Variants in KALRN observed in about 807,000 individuals in gnomAD.
The protein encoded by KALRN is kalirin.
Under a neutral mutation model 353.7 loss-of-function variants are expected in KALRN, and 70 were observed. That is an observed-to-expected ratio of 0.20 (90% CI 0.16 to 0.24). The LOEUF is 0.24. KALRN is among the 10% of genes least tolerant of loss of function. The pLI is 1.00. For missense variants in KALRN, 2,791 were observed against 3,756.7 expected, an observed-to-expected ratio of 0.74 and a Z score of 6.72; for synonymous variants, 1,391 against 1,434.8, an observed-to-expected ratio of 0.97 and a Z score of 0.69.
chr3:124,155,283 A>AT (rs1206297249), intron 1 of KALRN, among the ~76,000 whole-genome samples: 11 of 151,926 alleles, frequency 7.2e-5, no homozygotes, highest in South Asian at 2.1e-4. Context: ...GAAAAAAGAG[A>AT]TTTTTTTTCT....
intron 47 of KALRN, among the ~76,000 whole-genome samples, chr3:124,669,337 CTG>C (rs2086083686): frequency 6.6e-6 from 1 of 152,156 alleles, no homozygotes; most frequent in African/African-American, 2.4e-5. Flanking sequence ...ACATAAGACA[CTG>C]TATCGATCAG....
intron 6 of KALRN, among the ~76,000 whole-genome samples, chr3:124,319,735 G>A (rs1272665028): frequency 1.3e-5 from 2 of 152,030 alleles, no homozygotes; most frequent in African/African-American, 4.8e-5. Context: ...GCTCACACCT[G>A]TAATCCCAGC....
intron 33 of KALRN, among the ~76,000 whole-genome samples, chr3:124,528,950 TC>T (rs746272259): frequency 5.1e-4 from 77 of 152,350 alleles, no homozygotes; most frequent in African/African-American, 1.6e-3. Context: ...AGGTCAACCA[TC>T]TTTTTGTCCT....
chr3:124,070,370 G>A (rs1456691127), intron 1 of KALRN, among the ~76,000 whole-genome samples: 10 of 152,168 alleles, frequency 6.6e-5, no homozygotes, highest in Admixed American at 1.3e-4. Context: ...CTGGCATTCT[G>A]TCTTTACCGA....
At chr3:124,266,621 T>C (rs1440842966) in intron 4 of KALRN, among the ~76,000 whole-genome samples, 3 of 152,216 alleles carry the variant, frequency 2.0e-5, no homozygotes, top group Non-Finnish European at 4.4e-5. Context: ...AGAGCTGCTT[T>C]TAATCTTTCA....
At chr3:124,192,102 A>G (rs1009974115) in intron 1 of KALRN, among the ~76,000 whole-genome samples, 11 of 152,216 alleles carry the variant, frequency 7.2e-5, no homozygotes, top group Admixed American at 2.6e-4. Flanking sequence ...CCTAAAATTC[A>G]TATGTTGAAG....
At chr3:124,489,771 G>A (rs2062943334) in intron 29 of KALRN, among the ~76,000 whole-genome samples, 1 of 152,182 alleles carries the variant, frequency 6.6e-6, no homozygotes, top group Non-Finnish European at 1.5e-5. Flanking sequence ...GCACATTCAT[G>A]GACTCACCCC....
chr3:124,210,761 A>G (rs1395926620), intron 1 of KALRN, among the ~76,000 whole-genome samples: 1 of 152,200 alleles, frequency 6.6e-6, no homozygotes, highest in Non-Finnish European at 1.5e-5. Context: ...CCTGGGCCCC[A>G]GTTGGATGGT....
chr3:124,244,072 A>C (rs1004040958), intron 3 of KALRN, among the ~76,000 whole-genome samples: 1 of 152,236 alleles, frequency 6.6e-6, no homozygotes, highest in Non-Finnish European at 1.5e-5. Context: ...ATATGTGCCT[A>C]ACAGTGTGAC....
chr3:124,328,587 T>A (rs1445397113), intron 7 of KALRN, among the ~76,000 whole-genome samples: 1 of 152,220 alleles, frequency 6.6e-6, no homozygotes, highest in Non-Finnish European at 1.5e-5. Context: ...TTATATGATC[T>A]GATACTCGAT....
chr3:124,351,226 G>A (rs1053404616), intron 10 of KALRN, among the ~76,000 whole-genome samples: 8 of 152,158 alleles, frequency 5.3e-5, no homozygotes, highest in East Asian at 1.9e-4. Context: ...AAAAGTTCTC[G>A]AGTAAGAAGA....
chr3:124,384,713 C>G, intron 10 of KALRN, 132 bp from the exon 11 acceptor site: 1 of 836,940 alleles, frequency 1.2e-6, no homozygotes, highest in Non-Finnish European at 1.8e-6. Flanking sequence ...CCGCGCACCG[C>G]GCCTCAGTGC....
chr3:124,512,115 T>C (rs1317380832), intron 33 of KALRN, among the ~76,000 whole-genome samples: 2 of 152,242 alleles, frequency 1.3e-5, no homozygotes, highest in African/African-American at 4.8e-5. Flanking sequence ...AATTTGTGTG[T>C]GTGTTCCTCA....
intron 1 of KALRN, among the ~76,000 whole-genome samples, chr3:124,104,608 T>G (rs528341123): frequency 3.3e-5 from 5 of 152,296 alleles, no homozygotes; most frequent in South Asian, 2.1e-4. Context: ...GTTGTAGCAT[T>G]CAATTAGAAA....
chr3:124,390,371 T>C (rs2089168919), intron 11 of KALRN, among the ~76,000 whole-genome samples: 1 of 152,240 alleles, frequency 6.6e-6, no homozygotes, highest in African/African-American at 2.4e-5. Context: ...TACCCACTTA[T>C]ATTTGTTTCA....
intron 13 of KALRN, among the ~76,000 whole-genome samples, chr3:124,401,154 A>C (rs959770348): frequency 2.1e-4 from 32 of 152,334 alleles, no homozygotes; most frequent in African/African-American, 7.0e-4. Context: ...ATGTGGGTTT[A>C]AATCACATGC....
intron 33 of KALRN, chr3:124,519,368 A>C (rs2066970624): frequency 3.0e-6 from 3 of 985,458 alleles, no homozygotes. Context: ...CACTCAAGAG[A>C]GAGCCCCAAC....
chr3:124,407,721 T>C (rs1356436559), intron 13 of KALRN: 1 of 152,192 alleles, frequency 6.6e-6, no homozygotes, highest in African/African-American at 2.4e-5. Context: ...TACACTAAAC[T>C]GAAACGATAC....
At chr3:124,653,228 G>A (rs333304) in intron 38 of KALRN, among the ~76,000 whole-genome samples, 95,539 of 152,014 alleles carry the variant, frequency 0.63, 30,579 homozygotes, top group East Asian at 0.91. Flanking sequence ...AGATGGCAGT[G>A]GGGCGTCAAA....
Sources: gnomAD v4.1 joint callset for allele counts (sites outside exome capture counted in the v4.1 genomes callset) on GRCh38, gnomAD v4.1.1 for gene constraint, MANE v1.5 for transcripts, NCBI Gene and HGNC (gene_info 2026-07-23, HGNC 2026-07-21) for gene names.